Variants in TARS3 observed in about 807,000 individuals in gnomAD.
TARS3 encodes the protein threonyl-tRNA synthetase 3.
TARS3 carries 94 observed loss-of-function variants against 103.5 expected under a neutral mutation model. The ratio of observed to expected loss-of-function variants is 0.91; its 90% CI spans 0.77 to 1.08. The LOEUF (loss-of-function observed/expected upper bound fraction) is 1.08, where lower values mean the gene tolerates loss of function less well. Among genes scored for constraint, TARS3 ranks in the 50% least tolerant of loss-of-function variants. The probability of loss-of-function intolerance (pLI) is 0.00; values close to 1 mark genes in which losing one functional copy is unlikely to be tolerated. For missense variants in TARS3, 952 were observed against 995.2 expected, an observed-to-expected ratio of 0.96 and a Z score of 0.58; for synonymous variants, 416 against 355.4, an observed-to-expected ratio of 1.17 and a Z score of -1.92.
intron 6 of TARS3, among the ~76,000 whole-genome samples, chr15:101,706,514 C>T (rs1197134084): frequency 6.6e-6 from 1 of 152,172 alleles, no homozygotes; most frequent in African/African-American, 2.4e-5. Context: ...ACACATGTAG[C>T]TCAGACTAGT....
At chr15:101,654,789 T>A (rs1897137236) in intron 18 of TARS3, 59 bp from the exon 19 acceptor site, 2 of 1,503,218 alleles carry the variant, frequency 1.3e-6, no homozygotes, top group Admixed American at 3.7e-5. Context: ...AAACATTAAG[T>A]CAGCAGTCCC....
At chr15:101,698,780 A>G (rs894758611) in intron 10 of TARS3, among the ~76,000 whole-genome samples, 2 of 152,236 alleles carry the variant, frequency 1.3e-5, no homozygotes, top group African/African-American at 4.8e-5. Context: ...CCTGATTCAG[A>G]AGATGTCCTG....
In TARS3 at chr15:101,701,861, C is replaced by T. The variant is rs193143698; in HGVS notation, c.1221+378G>A. Among the ~76,000 whole-genome samples, 331 of 152,278 alleles carry T rather than the reference C, an allele frequency of 2.2e-3. 1 individual carries two copies. Among genetic ancestry groups the T allele is most frequent in the Non-Finnish European group, 2.8e-3 (192 of 68,010 alleles). ...AGCGATCTCAGCTCACTGCAACCTC[C>T]GCCTGCCGGGCCCAAGTGATTCTCC... On this transcript the variant is annotated intron_variant, in intron 9 of 18. Coordinates refer to ENST00000335968, the MANE Select transcript of TARS3 (RefSeq NM_152334.3).
In TARS3 at chr15:101,675,589, G is replaced by A. The variant is rs755836705; in HGVS notation, c.1788+11C>T. 50 of 1,610,124 alleles carry A rather than the reference G, an allele frequency of 3.1e-5. No individual in the cohort carries two copies. The highest frequency in any genetic ancestry group is 8.4e-5 in the Admixed American group (5 of 59,308). On this transcript the variant is annotated intron_variant, in intron 13 of 18. Coordinates refer to ENST00000335968, the MANE Select transcript of TARS3 (RefSeq NM_152334.3). ...CTAAAATGAAGAGGAAGCACAAGGTGTGTCTCTTACCTTCTCAGCCTCATT... is the reference window on the plus strand; with the variant it reads ...CTAAAATGAAGAGGAAGCACAAGGTATGTCTCTTACCTTCTCAGCCTCATT...
At chr15:101,658,950 C>T (rs1051737092) in intron 16 of TARS3, among the ~76,000 whole-genome samples, 1 of 152,078 alleles carries the variant, frequency 6.6e-6, no homozygotes, top group Admixed American at 6.5e-5. Flanking sequence ...TGCCACCACA[C>T]CCAGCTAATT....
chr15:101,675,749 G>C lies in TARS3; in HGVS notation c.1651-12C>G. 6.2e-7 allele frequency: 1 copy of C among 1,602,562 alleles called. No individual in the cohort carries two copies. Among genetic ancestry groups the C allele is most frequent in the Non-Finnish European group, 8.5e-7 (1 of 1,176,456 alleles). On this transcript the variant is annotated splice_polypyrimidine_tract_variant and intron_variant, in intron 12 of 18. Transcript: ENST00000335968. Reference sequence around the variant, plus strand: ...ATTTCTTCTTCAATCTGAAATCAAAGCAAATGAAACATTCAAATAGAACAT... The same window carrying C: ...ATTTCTTCTTCAATCTGAAATCAAACCAAATGAAACATTCAAATAGAACAT...
chr15:101,703,890 G>C lies in TARS3; in HGVS notation c.1043C>G (p.Thr348Ser). 2 of 1,612,774 alleles carry C rather than the reference G, an allele frequency of 1.2e-6. No homozygotes were observed. Among genetic ancestry groups the C allele is most frequent in the Non-Finnish European group, 1.7e-6 (2 of 1,179,594 alleles). ...AATTTTGATGGTTTTAATTTTTCCA[G>C]TGTGTCTTACATGTGGACCTTTGCA... is the stretch of plus-strand genomic sequence containing the variant. ...DLCKGPHVRH[T>S]GKIKTIKIFK... is the part of the protein sequence containing the mutation. Residue 348 changes from threonine to serine, a missense_variant, in exon 8 of 19, where the codon ACT becomes AGT. Around this residue, in one of 2 missense-constraint regions of TARS3, gnomAD observed 540 missense variants for 631.0 expected, o/e 0.86. Transcript: ENST00000335968.
At chr15:101,680,267 T>C (rs8028265) in intron 12 of TARS3, among the ~76,000 whole-genome samples, 7,735 of 152,306 alleles carry the variant, frequency 0.051, 579 homozygotes, top group African/African-American at 0.16. Flanking sequence ...GTTTTTTCTG[T>C]GGTGTCTGGT....
At chr15:101,659,388 T>C (rs189644623) in intron 16 of TARS3, among the ~76,000 whole-genome samples, 1 of 152,310 alleles carries the variant, frequency 6.6e-6, no homozygotes, top group East Asian at 1.9e-4. Flanking sequence ...AACTACATAT[T>C]TCCTTTTGAG....
intron 15 of TARS3, among the ~76,000 whole-genome samples, chr15:101,662,389 G>A (rs1481377486): frequency 2.0e-5 from 3 of 152,062 alleles, no homozygotes; most frequent in African/African-American, 2.4e-5. Context: ...CAACAAATGT[G>A]ACATGCGACA....
intron 11 of TARS3, among the ~76,000 whole-genome samples, chr15:101,685,275 T>C (rs1331893454): frequency 6.6e-6 from 1 of 152,198 alleles, no homozygotes. Context: ...ACAATATGTT[T>C]GTCTTACAAG....
intron 3 of TARS3, among the ~76,000 whole-genome samples, chr15:101,715,630 T>C (rs1404508211): frequency 6.6e-6 from 1 of 152,194 alleles, no homozygotes; most frequent in Non-Finnish European, 1.5e-5. Flanking sequence ...CCGACATAAT[T>C]GTATAGCTTG....
intron 17 of TARS3, 135 bp downstream of exon 17, chr15:101,657,650 C>T: frequency 1.9e-6 from 1 of 533,726 alleles, no homozygotes; most frequent in Non-Finnish European, 3.3e-6. Context: ...GTGTGTTACT[C>T]CCACCTGCTG....
intron 17 of TARS3, 77 bp from the exon 18 acceptor site, chr15:101,657,113 T>C: frequency 1.1e-6 from 1 of 913,556 alleles, no homozygotes; most frequent in East Asian, 2.5e-5. Flanking sequence ...TCCCCACTCT[T>C]GGTATTCACA....
chr15:101,661,145 A>ACCACAAGATGCACCACTCAAACAG (rs1233529777), intron 16 of TARS3, among the ~76,000 whole-genome samples: 1 of 99,572 alleles, frequency 1.0e-5, no homozygotes, highest in Non-Finnish European at 2.0e-5. Flanking sequence ...CACTCAAAAA[A>ACCACAAGATGCACCACTCAAACAG]GACCACAAGA....
intron 17 of TARS3, 28 bp downstream of exon 17, chr15:101,657,757 T>G (rs1897242138): frequency 1.3e-6 from 2 of 1,501,784 alleles, no homozygotes; most frequent in South Asian, 1.2e-5. Flanking sequence ...GCAAGATTAT[T>G]ATGTACTTTA....
At position 101,665,546 on chromosome 15, in the gene TARS3, T is replaced by C. The variant is rs559981689; in HGVS notation, c.1968-3730A>G. 8.5e-5 allele frequency among the ~76,000 whole-genome samples: 13 copies of C among 152,342 alleles called. No individual in the cohort carries two copies. In the South Asian group the frequency reaches 2.1e-3, roughly 24 times the overall value. ...ACACGTGCAAATAGCATAGACCACATGAGGACAGATTACAACTTAGGAACT... is the reference window on the plus strand; with the variant it reads ...ACACGTGCAAATAGCATAGACCACACGAGGACAGATTACAACTTAGGAACT... On this transcript the variant is annotated intron_variant, in intron 15 of 18. Transcript: ENST00000335968.
chr15:101,660,487 C>T (rs1897335769), intron 16 of TARS3, among the ~76,000 whole-genome samples: 1 of 152,180 alleles, frequency 6.6e-6, no homozygotes, highest in African/African-American at 2.4e-5. Flanking sequence ...CTGTTGTGTT[C>T]CTGGCAGCAC....
intron 10 of TARS3, among the ~76,000 whole-genome samples, chr15:101,699,027 G>T (rs1899121987): frequency 6.6e-6 from 1 of 152,174 alleles, no homozygotes; most frequent in African/African-American, 2.4e-5. Flanking sequence ...CGAATTCAAT[G>T]ATCAGTCCTT....
Sources: gnomAD v4.1 joint callset for allele counts (sites outside exome capture counted in the v4.1 genomes callset) on GRCh38, gnomAD v4.1.1 for gene constraint, gnomAD v4.1.1 regional missense constraint, MANE v1.5 for transcripts, NCBI Gene and HGNC (gene_info 2026-07-23, HGNC 2026-07-21) for gene names.